The following MTG1 variants were observed in gnomAD, a reference collection of about 807,000 sequenced individuals.
MTG1 encodes the protein mitochondrial ribosome-associated GTPase 1.
MTG1 carries 30 observed loss-of-function variants against 39.5 expected under a neutral mutation model. The ratio of observed to expected loss-of-function variants is 0.76; its 90% confidence interval spans 0.57 to 1.03. MTG1 has a LOEUF of 1.03. Among genes scored for constraint, MTG1 ranks in the 50% least tolerant of loss-of-function variants. The probability of loss-of-function intolerance (pLI) is 0.00; values close to 1 mark genes in which losing one functional copy is unlikely to be tolerated. For synonymous variants in MTG1, 217 were observed against 179.0 expected (o/e 1.21, Z -1.69); for missense variants, 513 against 447.4 (o/e 1.15, Z -1.32).
At chr10:133,399,259 A>T in intron 5 of MTG1, 33 bp downstream of exon 5, 1 of 1,612,188 alleles carries the variant, frequency 6.2e-7, no homozygotes, top group African/African-American at 1.3e-5. Flanking sequence ...TGGGAGTGGG[A>T]GGCGGGCGTG....
At chr10:133,408,529 A>G (rs1850001529) in intron 9 of MTG1, among the ~76,000 whole-genome samples, 2 of 152,132 alleles carry the variant, frequency 1.3e-5, no homozygotes, top group Admixed American at 6.5e-5. Flanking sequence ...TTTCTGCCGT[A>G]TCCTTGTCTG....
chr10:133,397,596 A>G (rs1207884648), intron 3 of MTG1, among the ~76,000 whole-genome samples: 1 of 150,916 alleles, frequency 6.6e-6, no homozygotes, highest in Admixed American at 6.6e-5. Flanking sequence ...CTCCTGCCTC[A>G]GCCTCCTGAG....
intron 9 of MTG1, among the ~76,000 whole-genome samples, chr10:133,406,559 C>T (rs1343464322): frequency 1.3e-5 from 2 of 151,202 alleles, no homozygotes; most frequent in Non-Finnish European, 2.9e-5. Context: ...GTTGCCTGTG[C>T]TTTTGAGGTC....
At chr10:133,394,959 A>G (rs34810393) in intron 1 of MTG1, among the ~76,000 whole-genome samples, 22,767 of 151,998 alleles carry the variant, frequency 0.15, 2,203 homozygotes, top group East Asian at 0.29. Context: ...CGGTCTTCGG[A>G]TAACACTGGA....
At chr10:133,400,191 CAAAAA>C (rs925173690) in intron 6 of MTG1, among the ~76,000 whole-genome samples, 1 of 137,858 alleles carries the variant, frequency 7.3e-6, no homozygotes, top group East Asian at 2.1e-4. Flanking sequence ...GACTCCGTCT[CAAAAA>C]AAAAAAGAAA....
intron 10 of MTG1, 142 bp downstream of exon 10, chr10:133,419,734 G>A (rs1162444673): frequency 3.9e-6 from 3 of 762,448 alleles, no homozygotes; most frequent in African/African-American, 3.5e-5. Flanking sequence ...TCAGGGCAGG[G>A]GAGCTACAGA....
chr10:133,420,198 G>A lies in MTG1; in HGVS notation c.*33G>A. 6.3e-7 allele frequency: 1 copy of A among 1,579,574 alleles called. No homozygotes were observed. The highest frequency in any genetic ancestry group is 1.2e-5 in the South Asian group (1 of 86,746). On this transcript the variant is annotated 3_prime_UTR_variant, in exon 11 of 11. Coordinates refer to ENST00000317502, the MANE Select transcript of MTG1 (RefSeq NM_138384.4). ...CGGGTAGGGAGGGCCGGAGGCATGT[G>A]GCCTCCCAGACCTCCTGACCTGGGT...
chr10:133,397,230 CTCTT>C (rs1849796092), intron 3 of MTG1, among the ~76,000 whole-genome samples: 1 of 152,212 alleles, frequency 6.6e-6, no homozygotes, highest in South Asian at 2.1e-4. Context: ...TAAGCTGTCT[CTCTT>C]TCTCCCTCTC....
At chr10:133,412,781 T>C (rs931036355) in intron 9 of MTG1, among the ~76,000 whole-genome samples, 1 of 152,236 alleles carries the variant, frequency 6.6e-6, no homozygotes, top group Non-Finnish European at 1.5e-5. Flanking sequence ...TCTGGTTTCA[T>C]TGACTTTCTG....
Position 133,411,283 on chromosome 10 carries a change from G to A in MTG1, c.753-8197G>A, listed in dbSNP as rs183950411. Among the ~76,000 whole-genome samples, 79 of 152,260 alleles carry A rather than the reference G, an allele frequency of 5.2e-4. 1 individual carries two copies. The East Asian group carries it at 9.4e-3, about 18-fold the overall frequency. On this transcript the variant is annotated intron_variant, in intron 9 of 10. Coordinates refer to ENST00000317502, the MANE Select transcript of MTG1 (RefSeq NM_138384.4). ...TGGCCTATATGGATTTCCTGGAGAA[G>A]TCTGTTGCCAGTTACATTGGAGCTC...
intron 3 of MTG1, 68 bp from the exon 4 acceptor site, chr10:133,398,367 T>C: frequency 6.5e-7 from 1 of 1,529,826 alleles, no homozygotes; most frequent in Non-Finnish European, 8.9e-7. Context: ...GCTACTGCAC[T>C]CCAGCCTGGG....
chr10:133,419,059 C>T (rs1850181773), intron 9 of MTG1, among the ~76,000 whole-genome samples: 1 of 152,238 alleles, frequency 6.6e-6, no homozygotes, highest in African/African-American at 2.4e-5. Flanking sequence ...CCATCCTTAG[C>T]AGCAAACAGA....
chr10:133,411,113 T>G (rs550918998), intron 9 of MTG1, among the ~76,000 whole-genome samples: 3 of 152,356 alleles, frequency 2.0e-5, no homozygotes, highest in African/African-American at 7.2e-5. Context: ...TCTTTCAGAT[T>G]GAAGAACTTT....
intron 9 of MTG1, among the ~76,000 whole-genome samples, chr10:133,411,249 A>G (rs1445715317): frequency 2.0e-5 from 3 of 151,884 alleles, no homozygotes; most frequent in Non-Finnish European, 4.4e-5. Flanking sequence ...ATATCATCCC[A>G]TTGCCTCCTG....
intron 7 of MTG1, 76 bp downstream of exon 7, chr10:133,401,666 G>A (rs1442479107): frequency 3.5e-6 from 5 of 1,441,862 alleles, no homozygotes; most frequent in Non-Finnish European, 4.9e-6. Context: ...ACCTCTGTGT[G>A]GCTTCCGGCT....
intron 6 of MTG1, 144 bp downstream of exon 6, chr10:133,399,763 G>A (rs1386951893): frequency 4.1e-5 from 29 of 709,052 alleles, no homozygotes; most frequent in South Asian, 1.1e-4. Flanking sequence ...AGCACATCTT[G>A]TCTCGTTCAG....
chr10:133,396,970 G>A (rs923978839), intron 3 of MTG1, among the ~76,000 whole-genome samples: 3 of 152,154 alleles, frequency 2.0e-5, no homozygotes, highest in Non-Finnish European at 2.9e-5. Flanking sequence ...ACCGGGAAAG[G>A]GAGTCTCCCT....
chr10:133,399,697 T>C, intron 6 of MTG1, 78 bp downstream of exon 6: 1 of 1,468,240 alleles, frequency 6.8e-7, no homozygotes, highest in Non-Finnish European at 9.5e-7. Context: ...CCATCTTTCT[T>C]GGAGGGGACG....
chr10:133,402,276 T>A lies in MTG1; in HGVS notation c.670+31T>A. 7.4e-7 allele frequency: 1 copy of A among 1,351,242 alleles called. No homozygotes were observed. The highest frequency in any genetic ancestry group is 1.3e-5 in the South Asian group (1 of 79,586). The allele number at this position is 1,351,242 out of a possible 1,614,324, so 83.7% of individuals were successfully genotyped here. On this transcript the variant is annotated intron_variant, in intron 8 of 10. Transcript: ENST00000317502. This position sits in a 1 kb window ranked among gnomAD's most constrained non-coding sequence, Gnocchi z 4.7. ...CCGGGGCTGGGGCTGGGGCTGGGGC[T>A]GGGACCGGGGCCCCTGCCACCCCAC...
Sources: gnomAD v4.1 joint callset for allele counts (sites outside exome capture counted in the v4.1 genomes callset) on GRCh38, gnomAD v4.1.1 for gene constraint, Gnocchi (gnomAD v3.1) non-coding constraint, MANE v1.5 for transcripts, NCBI Gene and HGNC (gene_info 2026-07-23, HGNC 2026-07-21) for gene names.